The following DMD variants were observed in gnomAD, a reference collection of about 807,000 sequenced individuals.
DMD encodes the protein mutant dystrophin.
Under a neutral mutation model 330.1 loss-of-function variants are expected in DMD, and 63 were observed. That is an observed-to-expected ratio of 0.19 (90% confidence interval 0.16 to 0.24). DMD has a LOEUF of 0.24. Ranked by LOEUF, DMD falls within the 10% of genes least tolerant of loss-of-function variation. The pLI is 1.00. For synonymous variants in DMD, 1,223 were observed against 959.8 expected (o/e 1.27, Z -5.07); for missense variants, 3,344 against 2,684.1 (o/e 1.25, Z -5.43).
chrX:33,277,551 A>T (rs2053254431), intron 1 of DMD, among the ~76,000 whole-genome samples: 2 of 110,838 alleles, frequency 1.8e-5, no homozygotes, highest in African/African-American at 3.3e-5. Flanking sequence ...TATGAGATGC[A>T]TGCCCTGGAA....
Position 33,240,643 on chromosome X carries a change from G to T in DMD, c.7+98616C>A. ...TAATTTTTTTGAGAAAGCCCCTACTGTTTTCAATAATGGTTATATTAATTC... is the reference window on the plus strand; with the variant it reads ...TAATTTTTTTGAGAAAGCCCCTACTTTTTTCAATAATGGTTATATTAATTC... On this transcript the variant is annotated intron_variant, in intron 1 of 17. Transcript: ENST00000288447. Among the ~76,000 whole-genome samples the T allele has an allele frequency of 1.8e-5, 2 of 111,593 alleles. 1 individual carries two copies. The highest frequency in any genetic ancestry group is 3.8e-5 in the Non-Finnish European group (2 of 53,107).
At chrX:33,259,082 A>G in intron 1 of DMD, among the ~76,000 whole-genome samples, 1 of 111,576 alleles carries the variant, frequency 9.0e-6, no homozygotes, top group Middle Eastern at 4.6e-3. Flanking sequence ...AAGGAAGCTC[A>G]TGAGCATATG....
chrX:31,535,791 T>C (rs1049603926), intron 55 of DMD, among the ~76,000 whole-genome samples: 1 of 111,784 alleles, frequency 8.9e-6, no homozygotes, highest in African/African-American at 3.3e-5. Flanking sequence ...CTACAAATAC[T>C]GAGGGAGATG....
intron 60 of DMD, among the ~76,000 whole-genome samples, chrX:31,358,491 G>T (rs180813096): frequency 1.8e-5 from 2 of 112,125 alleles, no homozygotes; most frequent in Non-Finnish European, 3.8e-5. Flanking sequence ...ACACAGTACA[G>T]TGTAATAAAA....
chrX:32,310,099 G>T lies in DMD; in HGVS notation c.6100C>A (p.Gln2034Lys). The T allele has an allele frequency of 1.7e-6, 2 of 1,208,424 alleles. No homozygotes were observed. The highest frequency in any genetic ancestry group is 2.2e-6 in the Non-Finnish European group (2 of 893,184). Reference sequence around the variant, plus strand: ...GGTTTTACCTTCAGAGACTCCTCTTGCTTAAAGAGATCTTCAAAGTCCTTA... The same window carrying T: ...GGTTTTACCTTCAGAGACTCCTCTTTCTTAAAGAGATCTTCAAAGTCCTTA... ...CAKDFEDLFK[Q>K]EESLKNIKDS... The change falls in exon 42 of 79, where the codon CAA (glutamine) becomes AAA (lysine). Residue 2034 changes from glutamine to lysine, a missense_variant. Coordinates refer to ENST00000357033, the MANE Select transcript of DMD (RefSeq NM_004006.3).
intron 63 of DMD, among the ~76,000 whole-genome samples, chrX:31,251,905 C>G (rs2049404261): frequency 8.9e-6 from 1 of 112,471 alleles, no homozygotes; most frequent in Admixed American, 9.4e-5. Context: ...GATCAGTAAA[C>G]TACAATTTGG....
At chrX:31,850,338 A>G (rs1252128538) in intron 48 of DMD, among the ~76,000 whole-genome samples, 1 of 112,536 alleles carries the variant, frequency 8.9e-6, no homozygotes, top group Non-Finnish European at 1.9e-5. Context: ...ATACTAAAAA[A>G]TGCATTTGGG....
At chrX:31,810,384 C>G (rs1433497694) in intron 50 of DMD, among the ~76,000 whole-genome samples, 2 of 111,745 alleles carry the variant, frequency 1.8e-5, no homozygotes, top group Non-Finnish European at 3.8e-5. Flanking sequence ...TAACAGACCT[C>G]AAAGAATGAA....
At chrX:33,136,369 T>C (rs1042451120) in intron 1 of DMD, among the ~76,000 whole-genome samples, 2 of 97,271 alleles carry the variant, frequency 2.1e-5, no homozygotes, top group Non-Finnish European at 4.0e-5. Context: ...GTAAGATGCA[T>C]ACATTGTTAA....
intron 54 of DMD, among the ~76,000 whole-genome samples, chrX:31,655,855 T>C (rs945553973): frequency 9.0e-5 from 10 of 111,707 alleles, no homozygotes; most frequent in African/African-American, 3.3e-4. Context: ...CAGTCTGTGG[T>C]ATTTTGTTAC....
At chrX:32,883,823 C>CCAAAAAAAAAAAAAAAAAA (rs1169678184) in intron 2 of DMD, among the ~76,000 whole-genome samples, 7 of 30,339 alleles carry the variant, frequency 2.3e-4, no homozygotes, top group Middle Eastern at 0.02. Flanking sequence ...GACTCTGTTT[C>CCAAAAAAAAAAAAAAAAAA]AAAAAAAAAA....
intron 42 of DMD, among the ~76,000 whole-genome samples, chrX:32,305,430 C>G (rs1482023771): frequency 9.0e-6 from 1 of 111,406 alleles, no homozygotes; most frequent in East Asian, 2.8e-4. Context: ...AAAGTTCTAA[C>G]TCAGCCCCAA....
At position 33,054,630 on chromosome X, in the gene DMD, AG is replaced by A. The variant is rs1392947125; in HGVS notation, c.32-34431del. 2.7e-5 allele frequency among the ~76,000 whole-genome samples: 3 copies of A among 112,357 alleles called. No homozygotes were observed. In the East Asian group the frequency reaches 8.4e-4, roughly 32 times the overall value. ...TTGAAGAAACCGCAGAAGGTTTTCT[AG>A]GGGGAAGATGACACAATCGAATATG... On this transcript the variant is annotated intron_variant, in intron 1 of 78. Transcript: ENST00000357033.
rs186343281 is a variant in DMD at position 31,831,894 on chromosome X, G to T, written c.7200+4824C>A. On this transcript the variant is annotated intron_variant, in intron 49 of 78. Transcript: ENST00000357033. ...TGGTATTACAGGCGCGAGCCACCGC[G>T]CCCAGTCGCAAACTTGTAATTTAAA... Among the ~76,000 whole-genome samples, 4 of 112,603 alleles carry T rather than the reference G, an allele frequency of 3.6e-5. No individual in the cohort carries two copies. The South Asian group carries it at 1.5e-3, about 41-fold the overall frequency.
chrX:32,587,776 G>A (rs923949034), intron 13 of DMD, among the ~76,000 whole-genome samples: 2 of 111,665 alleles, frequency 1.8e-5, no homozygotes, highest in Non-Finnish European at 3.8e-5. Flanking sequence ...TTATCGCATT[G>A]TAAGAATGCT....
chrX:32,435,594 T>C (rs191774147), intron 29 of DMD, among the ~76,000 whole-genome samples: 4 of 110,871 alleles, frequency 3.6e-5, no homozygotes, highest in East Asian at 2.9e-4. Context: ...AACATGATCC[T>C]GTTTTTGACA....
chrX:31,654,435 T>C (rs2080652793), intron 54 of DMD, among the ~76,000 whole-genome samples: 1 of 111,742 alleles, frequency 8.9e-6, no homozygotes, highest in Admixed American at 9.5e-5. Flanking sequence ...TATGAGATAC[T>C]TTTTCTCCAT....
chrX:33,066,409 A>T (rs182409434), intron 1 of DMD, among the ~76,000 whole-genome samples: 1 of 97,314 alleles, frequency 1.0e-5, no homozygotes, highest in Admixed American at 1.2e-4. Flanking sequence ...AGATCACACC[A>T]CTGCACTCCA....
chrX:31,966,993 T>C (rs763034291), intron 45 of DMD, among the ~76,000 whole-genome samples: 3 of 110,754 alleles, frequency 2.7e-5, no homozygotes, highest in Admixed American at 1.9e-4. Context: ...TCAATTTTTT[T>C]AATTTTCTCA....
Sources: gnomAD v4.1 joint callset for allele counts (sites outside exome capture counted in the v4.1 genomes callset) on GRCh38, gnomAD v4.1.1 for gene constraint, MANE v1.5 for transcripts, NCBI Gene and HGNC (gene_info 2026-07-23, HGNC 2026-07-21) for gene names.